Variants in TRIQK observed in about 807,000 individuals in gnomAD.
The protein encoded by TRIQK is triple QxxK/R motif-containing protein.
Under a neutral mutation model 10.8 loss-of-function variants are expected in TRIQK, and 10 were observed. That is an observed-to-expected ratio of 0.92 (90% confidence interval 0.57 to 1.57). The LOEUF (loss-of-function observed/expected upper bound fraction) is 1.57. TRIQK is among the 40% of genes most tolerant of loss of function. TRIQK has a pLI of 0.00. For missense variants in TRIQK, 107 were observed against 97.7 expected (o/e 1.09, Z -0.40); for synonymous variants, 33 against 33.7 (o/e 0.98, Z 0.07).
At chr8:92,987,349 T>C (rs1401582157) in intron 1 of TRIQK, among the ~76,000 whole-genome samples, 1 of 152,218 alleles carries the variant, frequency 6.6e-6, no homozygotes, top group Non-Finnish European at 1.5e-5. Flanking sequence ...CTCCAAAGAA[T>C]GTATTCATCA....
chr8:92,933,299 A>C (rs1355492679), intron 2 of TRIQK, among the ~76,000 whole-genome samples: 1 of 152,166 alleles, frequency 6.6e-6, no homozygotes, highest in African/African-American at 2.4e-5. Context: ...TTTACAAAAC[A>C]ATTAATACCT....
intron 1 of TRIQK, among the ~76,000 whole-genome samples, chr8:92,985,667 C>T (rs1450981679): frequency 2.0e-5 from 3 of 152,156 alleles, no homozygotes; most frequent in Non-Finnish European, 4.4e-5. Context: ...CATAAAACCT[C>T]TGGTAAACTT....
chr8:93,014,336 A>T (rs971625300), intron 1 of TRIQK, among the ~76,000 whole-genome samples: 10 of 152,098 alleles, frequency 6.6e-5, no homozygotes, highest in African/African-American at 2.4e-4. Context: ...TATATATGCA[A>T]GCCCGTTATT....
At chr8:93,015,876 C>G (rs1194472274) in intron 1 of TRIQK, among the ~76,000 whole-genome samples, 2 of 151,910 alleles carry the variant, frequency 1.3e-5, no homozygotes, top group Non-Finnish European at 2.9e-5. Context: ...GCATCTTACT[C>G]CCATTAACCC....
chr8:92,887,785 C>T (rs555887596), intron 4 of TRIQK, among the ~76,000 whole-genome samples: 3 of 151,620 alleles, frequency 2.0e-5, no homozygotes, highest in South Asian at 4.1e-4. Flanking sequence ...TTATAATCAA[C>T]ATGGAATTTT....
chr8:92,977,532 C>A (rs1367709960), intron 1 of TRIQK, among the ~76,000 whole-genome samples: 1 of 151,950 alleles, frequency 6.6e-6, no homozygotes, highest in South Asian at 2.1e-4. Flanking sequence ...CTGTATCTTT[C>A]CTTAACATAC....
At chr8:92,909,126 G>A (rs990361819) in intron 3 of TRIQK, among the ~76,000 whole-genome samples, 61 of 151,810 alleles carry the variant, frequency 4.0e-4, no homozygotes, top group African/African-American at 1.3e-3. Flanking sequence ...ATAGTCTTTC[G>A]TATGGAATCT....
At chr8:92,957,248 ATATG>A (rs1055801841) in intron 1 of TRIQK, among the ~76,000 whole-genome samples, 11 of 151,856 alleles carry the variant, frequency 7.2e-5, no homozygotes, top group Admixed American at 2.0e-4. Context: ...ATATATACAT[ATATG>A]TAAGTATGTA....
intron 1 of TRIQK, among the ~76,000 whole-genome samples, chr8:92,955,083 C>A (rs1419485244): frequency 1.3e-5 from 2 of 151,722 alleles, no homozygotes; most frequent in Admixed American, 1.3e-4. Flanking sequence ...CATTTTTGTT[C>A]AGTGAATATT....
intron 1 of TRIQK, among the ~76,000 whole-genome samples, chr8:93,011,179 T>TACAC (rs553408139): frequency 8.8e-4 from 122 of 138,830 alleles, no homozygotes; most frequent in African/African-American, 2.7e-3. Flanking sequence ...TACACATACA[T>TACAC]ACACACACAC....
intron 1 of TRIQK, among the ~76,000 whole-genome samples, chr8:93,007,971 C>T (rs538344604): frequency 4.6e-5 from 7 of 152,136 alleles, no homozygotes; most frequent in East Asian, 1.9e-4. Context: ...TAAAAAGAAA[C>T]GAGACCATGT....
intron 1 of TRIQK, among the ~76,000 whole-genome samples, chr8:92,982,421 AT>A (rs1554609873): frequency 6.6e-6 from 1 of 152,024 alleles, no homozygotes; most frequent in Non-Finnish European, 1.5e-5. Context: ...TGAAAACTCA[AT>A]AAAGTATTTT....
intron 1 of TRIQK, among the ~76,000 whole-genome samples, chr8:92,956,217 A>G (rs182074776): frequency 8.6e-5 from 13 of 151,950 alleles, no homozygotes; most frequent in African/African-American, 2.6e-4. Flanking sequence ...AGAATGAAAT[A>G]TTGATAATGC....
upstream of TRIQK, among the ~76,000 whole-genome samples, chr8:92,970,391 T>C (rs1407906741): frequency 1.3e-5 from 2 of 152,238 alleles, no homozygotes; most frequent in African/African-American, 4.8e-5. Flanking sequence ...TCTTCCACAA[T>C]GGTTGAACTA....
At chr8:92,925,983 G>C (rs10112811) in intron 2 of TRIQK, among the ~76,000 whole-genome samples, 30,389 of 151,992 alleles carry the variant, frequency 0.2, 3,459 homozygotes, top group African/African-American at 0.31. Context: ...GGGAGGCTGA[G>C]GCAGGAGAAT....
At chr8:93,015,986 T>C (rs1322753329) in intron 1 of TRIQK, among the ~76,000 whole-genome samples, 1 of 152,128 alleles carries the variant, frequency 6.6e-6, no homozygotes, top group Non-Finnish European at 1.5e-5. Context: ...GAGCTATGCA[T>C]AGAGATTTAT....
At chr8:92,903,936 C>T (rs1398531808) in intron 3 of TRIQK, among the ~76,000 whole-genome samples, 3 of 151,958 alleles carry the variant, frequency 2.0e-5, no homozygotes, top group Non-Finnish European at 4.4e-5. Context: ...AATGGGCAGA[C>T]AATCAAAGCG....
At chr8:92,981,601 T>C (rs985616685) in intron 1 of TRIQK, among the ~76,000 whole-genome samples, 2 of 151,906 alleles carry the variant, frequency 1.3e-5, no homozygotes. Flanking sequence ...TCCTATGTTA[T>C]ATTAAGTCAG....
intron 3 of TRIQK, among the ~76,000 whole-genome samples, chr8:92,897,863 GT>G (rs922806971): frequency 1.0e-3 from 152 of 152,120 alleles, no homozygotes; most frequent in African/African-American, 3.4e-3. Flanking sequence ...TACAACAGAG[GT>G]TTATAGTTAT....
Sources: gnomAD v4.1 joint callset for allele counts (sites outside exome capture counted in the v4.1 genomes callset) on GRCh38, gnomAD v4.1.1 for gene constraint, MANE v1.5 for transcripts, NCBI Gene and HGNC (gene_info 2026-07-23, HGNC 2026-07-21) for gene names.